Variants in CAST observed in about 807,000 individuals in gnomAD.
CAST encodes the protein calpastatin.
In CAST, 76 loss-of-function variants were observed where a neutral mutation model predicts 119.6. The ratio of observed to expected loss-of-function variants is 0.64; its 90% CI spans 0.53 to 0.77. The LOEUF (loss-of-function observed/expected upper bound fraction) is 0.77, where lower values mean the gene tolerates loss of function less well. Ranked by LOEUF, CAST falls within the 30% of genes least tolerant of loss-of-function variation. CAST has a pLI of 0.00. For missense variants in CAST, 953 were observed against 946.5 expected (o/e 1.01, Z -0.09); for synonymous variants, 319 against 331.6 (o/e 0.96, Z 0.41).
intron 1 of CAST, among the ~76,000 whole-genome samples, chr5:96,612,075 A>G (rs1005115237): frequency 6.6e-6 from 1 of 152,226 alleles, no homozygotes; most frequent in Non-Finnish European, 1.5e-5. Context: ...AATTTGACCC[A>G]GGAATCCCAT....
At position 96,695,943 on chromosome 5, in the gene CAST, G is replaced by A. The variant is rs530258971; in HGVS notation, c.210+36G>A. The A allele has an allele frequency of 2.8e-6, 4 of 1,443,662 alleles. No homozygotes were observed. The Admixed American group carries it at 7.0e-5, about 25-fold the overall frequency. 89.4% of individuals were successfully genotyped at this position (1,443,662 alleles called of 1,614,324 possible). ...TCCTGAACACGAAAAGACCCCTACT[G>A]TATTCTACAGGGATATGATTAGTGG... On this transcript the variant is annotated intron_variant, in intron 3 of 31. Transcript: ENST00000675179.
chr5:96,105,439 G>A, the CAST span, among the ~76,000 whole-genome samples: 18 of 152,168 alleles, frequency 1.2e-4, no homozygotes, highest in Non-Finnish European at 8.8e-5. Context: ...AGAGTTTTTA[G>A]CATGAAGGTT....
chr5:96,144,530 A>G, the CAST span, among the ~76,000 whole-genome samples: 1 of 152,334 alleles, frequency 6.6e-6, no homozygotes, highest in East Asian at 1.9e-4. Flanking sequence ...CCTTTAAGAC[A>G]TTTAGTGATG....
chr5:96,407,158 C>G, the CAST span, among the ~76,000 whole-genome samples: 16 of 152,044 alleles, frequency 1.1e-4, no homozygotes, highest in African/African-American at 3.9e-4. Flanking sequence ...AGGAAGAAGC[C>G]TTAAAGAAAC....
At chr5:96,456,833 G>A in the CAST span, among the ~76,000 whole-genome samples, 1 of 152,162 alleles carries the variant, frequency 6.6e-6, no homozygotes. Context: ...CATGGGGGTA[G>A]TTCCCCCATC....
the CAST span, among the ~76,000 whole-genome samples, chr5:96,003,906 A>G: frequency 9.2e-5 from 14 of 152,358 alleles, no homozygotes; most frequent in African/African-American, 3.1e-4. Context: ...GGAGAGAATT[A>G]TATTCAGGCG....
chr5:96,662,388 G>T lies in CAST; in HGVS notation c.-35G>T, dbSNP rs1561446439. 3 of 1,347,460 alleles carry T rather than the reference G, an allele frequency of 2.2e-6. No individual in the cohort carries two copies. The Admixed American group carries it at 9.1e-5, about 41-fold the overall frequency. The allele number at this position is 1,347,460 out of a possible 1,614,324, so 83.5% of individuals were successfully genotyped here. Reference sequence around the variant, plus strand: ...AGGCCTCCCCGCCACTCTCCGCGGCGCATTCCGGGAGGCAGCGGCCGCAGC... The same window carrying T: ...AGGCCTCCCCGCCACTCTCCGCGGCTCATTCCGGGAGGCAGCGGCCGCAGC... On this transcript the variant is annotated 5_prime_UTR_variant, in exon 1 of 32. Coordinates refer to ENST00000675179, the MANE Select transcript of CAST (RefSeq NM_001750.7).
chr5:95,997,298 A>G, the CAST span, among the ~76,000 whole-genome samples: 1 of 152,178 alleles, frequency 6.6e-6, no homozygotes, highest in Non-Finnish European at 1.5e-5. Context: ...GGGTTCTGGC[A>G]GGGCTTCTCC....
intron 1 of CAST, among the ~76,000 whole-genome samples, chr5:96,631,754 G>A (rs1289844109): frequency 6.6e-6 from 1 of 152,000 alleles, no homozygotes; most frequent in Non-Finnish European, 1.5e-5. Flanking sequence ...GGATGGTCTC[G>A]ATATCCCGAC....
chr5:96,419,648 C>A, the CAST span, among the ~76,000 whole-genome samples: 1 of 151,860 alleles, frequency 6.6e-6, no homozygotes, highest in Admixed American at 6.6e-5. Context: ...TCTCTCAATG[C>A]TGTGTGGAAG....
chr5:96,249,719 ACAAT>A, the CAST span, among the ~76,000 whole-genome samples: 29 of 152,346 alleles, frequency 1.9e-4, no homozygotes, highest in African/African-American at 6.7e-4. Context: ...TCACAGGGAC[ACAAT>A]CAATATTCAC....
chr5:96,394,900 G>C, the CAST span: 1 of 1,614,110 alleles, frequency 6.2e-7, no homozygotes, highest in Non-Finnish European at 8.5e-7. Flanking sequence ...CCCCTCTTCT[G>C]TCATTCTGAA....
intron 1 of CAST, among the ~76,000 whole-genome samples, chr5:96,561,993 C>G (rs1746381034): frequency 1.3e-5 from 2 of 149,692 alleles, no homozygotes; most frequent in African/African-American, 4.9e-5. Context: ...GGGGTTTCAC[C>G]GTGTTAGCCA....
intron 1 of CAST, among the ~76,000 whole-genome samples, chr5:96,530,174 G>A (rs777835049): frequency 2.0e-5 from 3 of 152,094 alleles, no homozygotes; most frequent in African/African-American, 4.8e-5. Flanking sequence ...AACGTGGGAG[G>A]GAGGGAGGGA....
rs368511006 is a variant in CAST at position 96,617,516 on chromosome 5, A to G, written c.61-58023A>G. On this transcript the variant is annotated intron_variant, in intron 1 of 11. Coordinates refer to the CAST transcript ENST00000505143. ...TTTTAAAACTCTTAGGAGGCCGGGC[A>G]CGGTGGCTCATGCCTGTAATCCCGG... Among the ~76,000 whole-genome samples the G allele has an allele frequency of 3.4e-3, 523 of 152,202 alleles. 3 individuals are homozygous for G. Among genetic ancestry groups the G allele is most frequent in the South Asian group, 5.8e-3 (28 of 4,818 alleles).
the CAST span, among the ~76,000 whole-genome samples, chr5:96,113,042 T>C: frequency 6.6e-6 from 1 of 152,216 alleles, no homozygotes; most frequent in Admixed American, 6.5e-5. Flanking sequence ...CTCCCATAGA[T>C]GGTTGATCCC....
At chr5:96,180,748 A>C in the CAST span, among the ~76,000 whole-genome samples, 10 of 152,210 alleles carry the variant, frequency 6.6e-5, no homozygotes, top group Non-Finnish European at 1.0e-4. Flanking sequence ...CTCAATGGAA[A>C]TATTTAATTA....
intron 2 of CAST, among the ~76,000 whole-genome samples, chr5:96,676,294 T>C (rs141403179): frequency 8.0e-4 from 122 of 152,316 alleles, no homozygotes; most frequent in African/African-American, 2.8e-3. Flanking sequence ...CAGTAGAAAT[T>C]GAGTCATTTC....
At chr5:96,031,498 A>G in the CAST span, among the ~76,000 whole-genome samples, 1 of 152,138 alleles carries the variant, frequency 6.6e-6, no homozygotes, top group African/African-American at 2.4e-5. Flanking sequence ...TCTCAGTCAC[A>G]CTGGTTCAAA....
Sources: allele counts gnomAD v4.1 joint callset (sites outside exome capture counted in the v4.1 genomes callset), GRCh38; gene constraint gnomAD v4.1.1; transcripts MANE v1.5; gene names NCBI Gene and HGNC (gene_info 2026-07-23, HGNC 2026-07-21).